The following EPHB1 variants were observed in gnomAD, a reference collection of about 807,000 sequenced individuals.
The protein encoded by EPHB1 is EPH receptor B1.
In EPHB1, 30 loss-of-function variants were observed where a neutral mutation model predicts 94.4. The ratio of observed to expected loss-of-function variants is 0.32; its 90% CI spans 0.24 to 0.43. EPHB1 has a LOEUF of 0.43. EPHB1 is among the 20% of genes least tolerant of loss of function. The pLI, the probability that EPHB1 is intolerant of heterozygous loss-of-function variation, is 1.00. For synonymous variants in EPHB1, 522 were observed against 489.1 expected (o/e 1.07, Z -0.89); for missense variants, 1,055 against 1,308.3 (o/e 0.81, Z 2.99).
chr3:134,969,638 A>G (rs904528688), intron 3 of EPHB1, among the ~76,000 whole-genome samples: 1 of 152,254 alleles, frequency 6.6e-6, no homozygotes. Context: ...TCAAAGCATC[A>G]TTTAAGAAAT....
intron 3 of EPHB1, among the ~76,000 whole-genome samples, chr3:134,990,062 T>A (rs1934742958): frequency 6.6e-6 from 1 of 152,234 alleles, no homozygotes; most frequent in South Asian, 2.1e-4. Context: ...TTGGTTGCTT[T>A]ATCACAATTT....
At chr3:135,228,497 C>T (rs1242704221) in intron 12 of EPHB1, among the ~76,000 whole-genome samples, 2 of 152,154 alleles carry the variant, frequency 1.3e-5, no homozygotes, top group Non-Finnish European at 2.9e-5. Flanking sequence ...GAGATTTGCC[C>T]ATTTTCACAT....
At chr3:134,949,414 C>T (rs865816561) in intron 2 of EPHB1, among the ~76,000 whole-genome samples, 1 of 120,204 alleles carries the variant, frequency 8.3e-6, no homozygotes, top group East Asian at 2.0e-4. Flanking sequence ...GCCCATTTCC[C>T]CACCTCTCCA....
At chr3:135,113,553 G>A (rs998170888) in intron 4 of EPHB1, among the ~76,000 whole-genome samples, 1 of 152,034 alleles carries the variant, frequency 6.6e-6, no homozygotes, top group Non-Finnish European at 1.5e-5. Context: ...CACTTTTATT[G>A]TTCTGAGCAT....
intron 3 of EPHB1, among the ~76,000 whole-genome samples, chr3:135,068,501 TG>T (rs970265049): frequency 4.6e-5 from 7 of 152,286 alleles, no homozygotes; most frequent in South Asian, 2.1e-4. Flanking sequence ...TAAATTGGTT[TG>T]TTTTTTTATT....
At chr3:134,893,816 C>T (rs73222692) in intron 1 of EPHB1, among the ~76,000 whole-genome samples, 8,931 of 152,272 alleles carry the variant, frequency 0.059, 312 homozygotes, top group South Asian at 0.15. Flanking sequence ...CCCTCCAGAC[C>T]GTAAACTGTG....
intron 3 of EPHB1, among the ~76,000 whole-genome samples, chr3:135,001,088 C>T (rs1935156696): frequency 6.6e-6 from 1 of 152,130 alleles, no homozygotes; most frequent in Admixed American, 6.6e-5. Flanking sequence ...GTGTCAGAGG[C>T]CTTTCCTGAT....
intron 2 of EPHB1, among the ~76,000 whole-genome samples, chr3:134,933,844 G>T (rs964124074): frequency 2.6e-5 from 4 of 152,144 alleles, no homozygotes; most frequent in African/African-American, 7.2e-5. Flanking sequence ...TTGAATTCAG[G>T]CTCAGTCTGC....
chr3:135,168,876 G>A (rs975360674), intron 9 of EPHB1, among the ~76,000 whole-genome samples: 6 of 152,176 alleles, frequency 3.9e-5, no homozygotes, highest in East Asian at 1.9e-4. Flanking sequence ...ATCTCACTTC[G>A]AAGTCAAGAG....
chr3:134,827,685 A>G (rs1167911574), intron 1 of EPHB1, among the ~76,000 whole-genome samples: 2 of 152,176 alleles, frequency 1.3e-5, no homozygotes, highest in Admixed American at 1.3e-4. Context: ...TAGGGGCTAG[A>G]ATTCACTGTT....
At chr3:135,247,883 T>C (rs959955608) in intron 13 of EPHB1, among the ~76,000 whole-genome samples, 2 of 152,108 alleles carry the variant, frequency 1.3e-5, no homozygotes, top group African/African-American at 4.8e-5. Flanking sequence ...CCACCACAAG[T>C]TTTGAGGACA....
At chr3:135,199,596 C>T (rs538195936) in intron 11 of EPHB1, among the ~76,000 whole-genome samples, 1 of 152,326 alleles carries the variant, frequency 6.6e-6, no homozygotes, top group East Asian at 1.9e-4. Flanking sequence ...TAGCCTGGAA[C>T]TTGAAGTGTG....
chr3:135,257,660 GCTGT>G (rs1169616144), intron 15 of EPHB1, among the ~76,000 whole-genome samples: 1 of 150,486 alleles, frequency 6.6e-6, no homozygotes, highest in Non-Finnish European at 1.5e-5. Context: ...AGAGGTTACT[GCTGT>G]CTTTTTGTTT....
At chr3:135,064,328 G>A (rs963112689) in intron 3 of EPHB1, among the ~76,000 whole-genome samples, 1 of 151,928 alleles carries the variant, frequency 6.6e-6, no homozygotes, top group Non-Finnish European at 1.5e-5. Flanking sequence ...GTCTGGTCCT[G>A]GGCTTTTTTG....
chr3:135,040,438 T>A (rs1245594959), intron 3 of EPHB1, among the ~76,000 whole-genome samples: 1 of 152,220 alleles, frequency 6.6e-6, no homozygotes, highest in Non-Finnish European at 1.5e-5. Context: ...CTTGGGGACC[T>A]GCAGCATTGG....
At chr3:135,076,875 GA>G (rs1937947011) in intron 3 of EPHB1, among the ~76,000 whole-genome samples, 1 of 152,160 alleles carries the variant, frequency 6.6e-6, no homozygotes, top group Non-Finnish European at 1.5e-5. Flanking sequence ...GAAATGTCCA[GA>G]AATGACAAAT....
intron 1 of EPHB1, among the ~76,000 whole-genome samples, chr3:134,840,708 T>A (rs2036759792): frequency 6.6e-6 from 1 of 152,190 alleles, no homozygotes; most frequent in African/African-American, 2.4e-5. Flanking sequence ...ATGTATTTTA[T>A]GAAGTTGGTG....
At chr3:135,178,224 A>AGGGGGGG (rs36017335) in intron 9 of EPHB1, among the ~76,000 whole-genome samples, 3 of 139,504 alleles carry the variant, frequency 2.2e-5, no homozygotes, top group African/African-American at 8.9e-5. Flanking sequence ...GAGGCCGGGG[A>AGGGGGGG]GGGGGGGTGG....
chr3:134,882,765 C>CCTTTCTTTCTTTTTTCTTTTTCTTTCTTT (rs10635632), intron 1 of EPHB1, among the ~76,000 whole-genome samples: 1 of 79,882 alleles, frequency 1.3e-5, no homozygotes, highest in Non-Finnish European at 2.6e-5. Context: ...TTCCTTCCTT[C>CCTTTCTTTCTTTTTTCTTTTTCTTTCTTT]CTTTCTTTCT....
Sources: gnomAD v4.1 joint callset for allele counts (sites outside exome capture counted in the v4.1 genomes callset) on GRCh38, gnomAD v4.1.1 for gene constraint, MANE v1.5 for transcripts, NCBI Gene and HGNC (gene_info 2026-07-23, HGNC 2026-07-21) for gene names.